Variants in CERK observed in about 807,000 individuals in gnomAD.
The protein encoded by CERK is acylsphingosine kinase.
In CERK, 39 loss-of-function variants were observed where a neutral mutation model predicts 63.4. The observed-to-expected ratio is 0.61, with a 90% CI of 0.48 to 0.80. The LOEUF is 0.80. Ranked by LOEUF, CERK falls within the 30% of genes least tolerant of loss-of-function variation. CERK has a pLI of 0.00. For missense variants in CERK, 670 were observed against 714.1 expected (o/e 0.94, Z 0.70); for synonymous variants, 302 against 280.0 (o/e 1.08, Z -0.78).
chr22:46,736,659 A>C (rs1601735817), intron 1 of CERK, among the ~76,000 whole-genome samples: 1 of 152,188 alleles, frequency 6.6e-6, no homozygotes, highest in Admixed American at 6.5e-5. Context: ...AGGGGACATG[A>C]GAAATACCTT....
At chr22:46,728,445 C>A (rs936172276) in intron 1 of CERK, among the ~76,000 whole-genome samples, 3 of 152,182 alleles carry the variant, frequency 2.0e-5, no homozygotes, top group Non-Finnish European at 4.4e-5. Context: ...AGTCCCCACT[C>A]CCCAACCTGT....
rs547246823 is a variant in CERK, at chr22:46,693,999, A to T, written c.1050-496T>A. ...TGGGGGCTGCCGGATTCACGCTGTC[A>T]AACAGGACACTGTTTGCACTGATGG... is the stretch of plus-strand genomic sequence containing the variant. On this transcript the variant is annotated intron_variant, in intron 9 of 12. Transcript: ENST00000216264. Among the ~76,000 whole-genome samples, 16 of 152,262 alleles carry T rather than the reference A, an allele frequency of 1.1e-4. No homozygotes were observed. The East Asian group carries it at 2.3e-3, about 22-fold the overall frequency.
At chr22:46,691,933 A>T (rs2082733823) in intron 10 of CERK, among the ~76,000 whole-genome samples, 156 bp from the exon 11 acceptor site, 1 of 152,096 alleles carries the variant, frequency 6.6e-6, no homozygotes, top group Non-Finnish European at 1.5e-5. Flanking sequence ...AAAAACATCC[A>T]CCACGGAACT....
chr22:46,723,306 T>C (rs1437691162), intron 1 of CERK, among the ~76,000 whole-genome samples: 1 of 152,198 alleles, frequency 6.6e-6, no homozygotes. Flanking sequence ...TCTGCACAGC[T>C]TTATTGAGGA....
intron 3 of CERK, among the ~76,000 whole-genome samples, chr22:46,717,467 C>T (rs1463848030): frequency 6.6e-6 from 1 of 152,226 alleles, no homozygotes; most frequent in Non-Finnish European, 1.5e-5. Context: ...AAACGGCAGC[C>T]CCACGCGAGA....
chr22:46,722,661 C>T lies in CERK; in HGVS notation c.143-1646G>A, dbSNP rs117774611. 4.2e-4 allele frequency among the ~76,000 whole-genome samples: 63 copies of T among 151,498 alleles called. No individual in the cohort carries two copies. The East Asian group carries it at 7.6e-3, about 18-fold the overall frequency. On this transcript the variant is annotated intron_variant, in intron 1 of 12. Coordinates refer to ENST00000216264, the MANE Select transcript of CERK (RefSeq NM_022766.6). Reference sequence around the variant, plus strand: ...CGCAACCTCCACCTCCCGGTTCAAGCGATTCTCCCTCCTCAGCCTCCCAAG... The same window carrying T: ...CGCAACCTCCACCTCCCGGTTCAAGTGATTCTCCCTCCTCAGCCTCCCAAG...
At chr22:46,723,954 T>G (rs1214882610) in intron 1 of CERK, among the ~76,000 whole-genome samples, 1 of 152,128 alleles carries the variant, frequency 6.6e-6, no homozygotes, top group East Asian at 1.9e-4. Context: ...CGCCTCGGCC[T>G]CCCACAGTAC....
intron 1 of CERK, among the ~76,000 whole-genome samples, chr22:46,736,917 C>T (rs1218945010): frequency 1.3e-5 from 2 of 152,202 alleles, no homozygotes. Flanking sequence ...ACCAGAGAAT[C>T]TTGGCCTCCG....
In CERK at chr22:46,693,523, T is replaced by C; in HGVS notation, c.1050-20A>G. On this transcript the variant is annotated intron_variant, in intron 9 of 12. Transcript: ENST00000216264. ...AAGCATCTGAAAGACAAGAATATCA[T>C]CACCTTTTAAATATGGAGCTGCAGG... 1.2e-6 allele frequency: 2 copies of C among 1,608,416 alleles called. No individual in the cohort carries two copies. The highest frequency in any genetic ancestry group is 1.7e-6 in the Non-Finnish European group (2 of 1,174,910).
intron 10 of CERK, among the ~76,000 whole-genome samples, chr22:46,692,015 C>A (rs1300671704): frequency 1.3e-5 from 2 of 152,230 alleles, no homozygotes; most frequent in Non-Finnish European, 2.9e-5. Context: ...CCTCTCCTCA[C>A]TTGGTGACTT....
chr22:46,733,704 A>G lies in CERK; in HGVS notation c.142+4303T>C, dbSNP rs1037169705. ...TTCTGGATTCCATCTTGGTTAGGAG[A>G]GCCTTTTCCCATTCCAATATTATAA... On this transcript the variant is annotated intron_variant, in intron 1 of 12. Coordinates refer to ENST00000216264, the MANE Select transcript of CERK (RefSeq NM_022766.6). 7.9e-5 allele frequency among the ~76,000 whole-genome samples: 12 copies of G among 152,022 alleles called. No homozygotes were observed. The South Asian group carries it at 2.5e-3, about 32-fold the overall frequency.
intron 3 of CERK, among the ~76,000 whole-genome samples, chr22:46,716,504 T>TAAAA (rs2082867225): frequency 7.2e-6 from 1 of 139,646 alleles, no homozygotes; most frequent in African/African-American, 3.1e-5. Flanking sequence ...ACCCCGTCTC[T>TAAAA]TAAAAAAAAA....
At chr22:46,728,881 C>A (rs1174135467) in intron 1 of CERK, among the ~76,000 whole-genome samples, 2 of 152,186 alleles carry the variant, frequency 1.3e-5, no homozygotes, top group Non-Finnish European at 2.9e-5. Flanking sequence ...CAGAGGGGTG[C>A]TCAGAGGAGA....
intron 12 of CERK, among the ~76,000 whole-genome samples, chr22:46,687,796 CGTGG>C (rs2082710824): frequency 6.6e-6 from 1 of 152,130 alleles, no homozygotes; most frequent in African/African-American, 2.4e-5. Flanking sequence ...ACAGTGAGTC[CGTGG>C]GTGAGTGCCA....
chr22:46,713,508 C>CAAAAAAAAAAAAAAA (rs34168827), intron 3 of CERK, among the ~76,000 whole-genome samples: 1 of 74,300 alleles, frequency 1.3e-5, no homozygotes, highest in African/African-American at 5.0e-5. Flanking sequence ...GACTTCATCT[C>CAAAAAAAAAAAAAAA]AAAAAAAAAA....
intron 7 of CERK, among the ~76,000 whole-genome samples, chr22:46,700,721 A>G (rs568463884): frequency 5.3e-5 from 8 of 151,906 alleles, no homozygotes; most frequent in Admixed American, 1.3e-4. Context: ...TCAAAGAAAA[A>G]AATATCCTGA....
chr22:46,713,523 A>C lies in CERK; in HGVS notation c.380-1230T>G, dbSNP rs553642777. 6.6e-5 allele frequency among the ~76,000 whole-genome samples: 10 copies of C among 150,974 alleles called. 1 individual carries two copies. Among genetic ancestry groups the C allele is most frequent in the East Asian group, 2.0e-4 (1 of 5,122 alleles). The stretch of plus-strand genomic sequence containing the variant: ...GACTTCATCTCAAAAAAAAAAAAAA[A>C]AAAAAACAAACAAACAAAAAAACAC... On this transcript the variant is annotated intron_variant, in intron 3 of 12. Transcript: ENST00000216264.
chr22:46,724,754 T>C (rs1172672328), intron 1 of CERK, among the ~76,000 whole-genome samples: 2 of 152,060 alleles, frequency 1.3e-5, no homozygotes, highest in East Asian at 1.9e-4. Flanking sequence ...GCGGGGTGGC[T>C]CACACCTGTA....
At chr22:46,696,403 G>A (rs1363112242) in intron 8 of CERK, among the ~76,000 whole-genome samples, 1 of 152,142 alleles carries the variant, frequency 6.6e-6, no homozygotes, top group Non-Finnish European at 1.5e-5. Context: ...CCACGGCCCT[G>A]GGAGGAGGCC....
Sources: allele counts gnomAD v4.1 joint callset (sites outside exome capture counted in the v4.1 genomes callset), GRCh38; gene constraint gnomAD v4.1.1; transcripts MANE v1.5; gene names NCBI Gene and HGNC (gene_info 2026-07-23, HGNC 2026-07-21).